Variants in DHRSX observed in about 807,000 individuals in gnomAD.
The protein encoded by DHRSX is dehydrogenase/reductase X-linked, also known as polyprenol dehydrogenase.
Under a neutral mutation model 34.0 loss-of-function variants are expected in DHRSX, and 31 were observed. That is an observed-to-expected ratio of 0.91 (90% confidence interval 0.69 to 1.23). DHRSX has a LOEUF of 1.23. Among genes scored for constraint, DHRSX ranks in the 50% most tolerant of loss-of-function variants. The pLI is 0.00. For synonymous variants in DHRSX, 201 were observed against 183.8 expected (o/e 1.09, Z -0.76); for missense variants, 414 against 428.1 (o/e 0.97, Z 0.29).
chrX:2,490,887 G>T, intron 1 of DHRSX: 1 of 905,816 alleles, frequency 1.1e-6, no homozygotes. Flanking sequence ...AAGGGCACTG[G>T]GGCCGGACGG....
chrX:2,331,436 GTTTTTTTTTTTTT>G (rs1159991841), intron 3 of DHRSX, among the ~76,000 whole-genome samples: 1,120 of 94,688 alleles, frequency 0.012, 16 homozygotes, highest in Non-Finnish European at 0.019. Context: ...AGGTTTTTTG[GTTTTTTTTTTTTT>G]TTTTTTTTTT....
chrX:2,367,941 A>G (rs2043013289), intron 3 of DHRSX, among the ~76,000 whole-genome samples: 1 of 152,100 alleles, frequency 6.6e-6, no homozygotes, highest in Non-Finnish European at 1.5e-5. Context: ...ACGGGTATTT[A>G]CTCATTAAGA....
intron 1 of DHRSX, among the ~76,000 whole-genome samples, chrX:2,464,684 A>T (rs2044462031): frequency 6.6e-6 from 1 of 150,644 alleles, no homozygotes; most frequent in Non-Finnish European, 1.5e-5. Context: ...GTTCCCTAAG[A>T]ATGCAGCCAA....
intron 3 of DHRSX, among the ~76,000 whole-genome samples, chrX:2,356,061 C>T (rs190919553): frequency 0.022 from 2,704 of 123,746 alleles, 95 homozygotes; most frequent in African/African-American, 0.072. Context: ...TGCGAGACTC[C>T]GTCTCAAAAA....
intron 1 of DHRSX, among the ~76,000 whole-genome samples, chrX:2,465,157 A>AG (rs1305129201): frequency 3.9e-5 from 6 of 152,128 alleles, no homozygotes; most frequent in African/African-American, 1.4e-4. Flanking sequence ...CATGTGGCCA[A>AG]GGGAACAAAC....
chrX:2,384,884 C>T (rs1017780036), intron 3 of DHRSX, among the ~76,000 whole-genome samples: 31 of 147,798 alleles, frequency 2.1e-4, no homozygotes, highest in African/African-American at 7.3e-4. Flanking sequence ...ACAATGTGCA[C>T]ATGTACCCTA....
At chrX:2,443,834 A>G (rs1030946399) in intron 1 of DHRSX, among the ~76,000 whole-genome samples, 28 of 151,956 alleles carry the variant, frequency 1.8e-4, no homozygotes, top group African/African-American at 5.8e-4. Context: ...GTGAAACCCC[A>G]TCTCTACTAA....
intron 3 of DHRSX, among the ~76,000 whole-genome samples, chrX:2,327,910 C>A (rs922655503): frequency 5.3e-5 from 8 of 151,958 alleles, no homozygotes; most frequent in African/African-American, 1.9e-4. Context: ...GAAACTCCAT[C>A]TCTACTAAAA....
intron 5 of DHRSX, among the ~76,000 whole-genome samples, chrX:2,250,948 A>G (rs2124440075): frequency 6.6e-6 from 1 of 152,256 alleles, no homozygotes; most frequent in East Asian, 1.9e-4. Context: ...TGGATCACAG[A>G]GCTTGGAAAG....
chrX:2,476,872 C>G (rs950524186), intron 1 of DHRSX, among the ~76,000 whole-genome samples: 1 of 151,846 alleles, frequency 6.6e-6, no homozygotes, highest in Non-Finnish European at 1.5e-5. Flanking sequence ...TGTGGTAGTG[C>G]ATGCCTGTAA....
intron 1 of DHRSX, among the ~76,000 whole-genome samples, chrX:2,450,042 T>C (rs1014965982): frequency 1.3e-5 from 2 of 152,026 alleles, no homozygotes; most frequent in African/African-American, 4.8e-5. Context: ...CTCACATGCG[T>C]TACCTAAGGA....
intron 4 of DHRSX, among the ~76,000 whole-genome samples, chrX:2,271,502 C>T (rs1428237193): frequency 1.3e-5 from 2 of 152,084 alleles, no homozygotes; most frequent in Admixed American, 6.6e-5. Flanking sequence ...TCAGTGCTTC[C>T]CCCTCCTACG....
chrX:2,364,455 T>G (rs1041143452), intron 3 of DHRSX, among the ~76,000 whole-genome samples: 2 of 152,198 alleles, frequency 1.3e-5, no homozygotes, highest in African/African-American at 4.8e-5. Flanking sequence ...ACAGATTGTA[T>G]GCATATGTGA....
chrX:2,275,024 C>T (rs1270060719), intron 4 of DHRSX, among the ~76,000 whole-genome samples: 2 of 151,946 alleles, frequency 1.3e-5, no homozygotes, highest in African/African-American at 2.4e-5. Flanking sequence ...GAGGGATTGA[C>T]GGAAGTCCGA....
chrX:2,435,906 T>A (rs1426174404), intron 1 of DHRSX, among the ~76,000 whole-genome samples: 8 of 152,168 alleles, frequency 5.3e-5, no homozygotes, highest in Non-Finnish European at 1.0e-4. Context: ...TCTATATGTT[T>A]CATGGGGGCT....
chrX:2,252,242 A>G (rs1222343669), intron 5 of DHRSX, among the ~76,000 whole-genome samples: 1 of 115,830 alleles, frequency 8.6e-6, no homozygotes, highest in Non-Finnish European at 2.2e-5. Context: ...TGTCTCAAAA[A>G]TAAATAAATA....
intron 6 of DHRSX, among the ~76,000 whole-genome samples, chrX:2,226,072 G>C (rs148466966): frequency 6.6e-6 from 1 of 151,878 alleles, no homozygotes; most frequent in Non-Finnish European, 1.5e-5. Context: ...CCTCCAGGAC[G>C]GTGGGAAAAT....
rs761869169 is a variant in DHRSX, at chrX:2,306,904, G to A, written c.287-15301C>T. Among the ~76,000 whole-genome samples the A allele has an allele frequency of 2.7e-5, 4 of 146,730 alleles. No individual in the cohort carries two copies. The Admixed American group carries it at 2.7e-4, about 10-fold the overall frequency. On this transcript the variant is annotated intron_variant, in intron 3 of 6. Transcript: ENST00000334651. ...TTTGTACATCTGGTCGAATTCAGCT[G>A]TGAATTTGTCTGGTCTTGGGGCTTT...
chrX:2,291,066 A>G (rs1228453926), intron 4 of DHRSX, among the ~76,000 whole-genome samples: 4 of 152,156 alleles, frequency 2.6e-5, no homozygotes, highest in Non-Finnish European at 4.4e-5. Context: ...GAAGGTGGGG[A>G]AGGGGAGATA....
Sources: allele counts gnomAD v4.1 joint callset (sites outside exome capture counted in the v4.1 genomes callset), GRCh38; gene constraint gnomAD v4.1.1; transcripts MANE v1.5; gene names NCBI Gene and HGNC (gene_info 2026-07-23, HGNC 2026-07-21).